The following CMSS1 variants were observed in gnomAD, a reference collection of about 807,000 sequenced individuals.
CMSS1 encodes the protein protein CMSS1.
A neutral mutation model predicts 43.5 loss-of-function variants in CMSS1; 33 were observed. That is an observed-to-expected ratio of 0.76 (90% CI 0.57 to 1.01). The LOEUF is 1.01. CMSS1 is among the 50% of genes least tolerant of loss of function. The pLI, the probability that CMSS1 is intolerant of heterozygous loss-of-function variation, is 0.00. For synonymous variants in CMSS1, 115 were observed against 117.2 expected, an observed-to-expected ratio of 0.98 and a Z score of 0.12; for missense variants, 313 against 326.4, an observed-to-expected ratio of 0.96 and a Z score of 0.32.
chr3:99,879,261 C>T (rs557821733), intron 1 of CMSS1, among the ~76,000 whole-genome samples: 49 of 152,232 alleles, frequency 3.2e-4, no homozygotes, highest in African/African-American at 1.2e-3. Context: ...AGGCAAGAAA[C>T]AAGGAGATAC....
chr3:100,165,295 G>C (rs2067056934), intron 4 of CMSS1, among the ~76,000 whole-genome samples: 1 of 151,988 alleles, frequency 6.6e-6, no homozygotes, highest in African/African-American at 2.4e-5. Context: ...ATTTCATTTT[G>C]ATCAGTCCAG....
intron 1 of CMSS1, among the ~76,000 whole-genome samples, chr3:99,821,561 G>C (rs1043112872): frequency 6.6e-6 from 1 of 152,208 alleles, no homozygotes; most frequent in African/African-American, 2.4e-5. Flanking sequence ...TTCAGCAACT[G>C]TTTGAAGTGA....
chr3:99,956,113 T>C (rs1309608740), intron 1 of CMSS1, among the ~76,000 whole-genome samples: 3 of 152,166 alleles, frequency 2.0e-5, no homozygotes. Flanking sequence ...ATTCATTCCT[T>C]ATTGCCTCTG....
intron 1 of CMSS1, among the ~76,000 whole-genome samples, chr3:100,105,320 G>C (rs886903586): frequency 6.6e-6 from 1 of 152,148 alleles, no homozygotes; most frequent in Non-Finnish European, 1.5e-5. Flanking sequence ...ACTCAGGAAA[G>C]ACATGAGCAA....
chr3:100,031,567 A>T (rs1231662157), intron 1 of CMSS1, among the ~76,000 whole-genome samples: 1 of 152,124 alleles, frequency 6.6e-6, no homozygotes, highest in Non-Finnish European at 1.5e-5. Context: ...TGAGCATAAA[A>T]ACCCAACACC....
chr3:99,888,076 T>TA (rs1485710740), intron 1 of CMSS1, among the ~76,000 whole-genome samples: 2 of 152,220 alleles, frequency 1.3e-5, no homozygotes, highest in African/African-American at 4.8e-5. Context: ...TCTTAGGTAC[T>TA]ATCTTCGGAC....
At chr3:99,885,736 T>C (rs772756577) in intron 1 of CMSS1, among the ~76,000 whole-genome samples, 8 of 152,290 alleles carry the variant, frequency 5.3e-5, no homozygotes, top group Non-Finnish European at 1.0e-4. Context: ...TCTTTCTCCC[T>C]TCTTCTTCCC....
chr3:99,821,093 T>C (rs1942430051), intron 1 of CMSS1, among the ~76,000 whole-genome samples: 2 of 152,192 alleles, frequency 1.3e-5, no homozygotes, highest in African/African-American at 4.8e-5. Context: ...TAAGGAACTG[T>C]ACTATTTTTT....
intron 1 of CMSS1, among the ~76,000 whole-genome samples, chr3:100,114,682 C>T (rs954120785): frequency 1.3e-5 from 2 of 152,190 alleles, no homozygotes; most frequent in Non-Finnish European, 2.9e-5. Flanking sequence ...CCATTCTTTG[C>T]TGTGTTGCTA....
At chr3:100,151,846 C>G (rs1315662835) in intron 2 of CMSS1, among the ~76,000 whole-genome samples, 2 of 152,120 alleles carry the variant, frequency 1.3e-5, no homozygotes, top group African/African-American at 4.8e-5. Context: ...GCTCAATATC[C>G]AAAATCTTGT....
intron 1 of CMSS1, among the ~76,000 whole-genome samples, chr3:100,105,844 G>T (rs1377684164): frequency 6.6e-6 from 1 of 152,148 alleles, no homozygotes; most frequent in Non-Finnish European, 1.5e-5. Flanking sequence ...GATGCAAGTA[G>T]TTTTTTGAAA....
intron 1 of CMSS1, among the ~76,000 whole-genome samples, chr3:100,057,639 A>G (rs1025146867): frequency 2.8e-4 from 42 of 152,150 alleles, no homozygotes; most frequent in Admixed American, 2.4e-3. Context: ...TTGAAATCCA[A>G]TGCTTTGGGA....
intron 1 of CMSS1, among the ~76,000 whole-genome samples, chr3:99,970,365 G>C (rs752087485): frequency 4.9e-4 from 74 of 152,330 alleles, no homozygotes; most frequent in Non-Finnish European, 7.2e-4. Context: ...AGGTGGATGA[G>C]ACCAAACTCC....
chr3:100,172,239 T>A (rs747257112), intron 7 of CMSS1, 77 bp from the exon 8 acceptor site: 10 of 1,292,610 alleles, frequency 7.7e-6, no homozygotes, highest in Non-Finnish European at 1.1e-5. Flanking sequence ...AACTTTGAGA[T>A]AAAATGTTCT....
Position 99,951,654 on chromosome 3 carries a change from C to T in CMSS1, c.64+133611C>T, listed in dbSNP as rs1279714603. ...CCTCCCCCACCACATATACACAGTCCCCACTATGTTGGGCTTGGCCACCTT... is the reference window on the plus strand; with the variant it reads ...CCTCCCCCACCACATATACACAGTCTCCACTATGTTGGGCTTGGCCACCTT... On this transcript the variant is annotated intron_variant, in intron 1 of 9. Coordinates refer to ENST00000421999, the MANE Select transcript of CMSS1 (RefSeq NM_032359.4). Among the ~76,000 whole-genome samples, 4 of 152,156 alleles carry T rather than the reference C, an allele frequency of 2.6e-5. No individual in the cohort carries two copies. The East Asian group carries it at 7.7e-4, about 29-fold the overall frequency.
chr3:100,069,617 C>G (rs971971502), intron 1 of CMSS1, among the ~76,000 whole-genome samples: 1 of 152,138 alleles, frequency 6.6e-6, no homozygotes, highest in Non-Finnish European at 1.5e-5. Context: ...ACAGTTTATA[C>G]TCTTAAGAAT....
In CMSS1 at chr3:100,167,852, C is replaced by G. The variant is rs549696671; in HGVS notation, c.518+12C>G. 1.3e-6 allele frequency: 2 copies of G among 1,552,018 alleles called. No individual in the cohort carries two copies. Among genetic ancestry groups the G allele is most frequent in the East Asian group, 4.5e-5 (2 of 44,494 alleles). ...CTGGAGCTCATTAGGTTGGAAGGTT[C>G]ACCTATTCCATATCATAAATGTTTT... On this transcript the variant is annotated intron_variant, in intron 6 of 9. Coordinates refer to ENST00000421999, the MANE Select transcript of CMSS1 (RefSeq NM_032359.4).
intron 1 of CMSS1, among the ~76,000 whole-genome samples, chr3:99,879,271 C>T (rs2107599629): frequency 6.6e-6 from 1 of 152,206 alleles, no homozygotes; most frequent in African/African-American, 2.4e-5. Flanking sequence ...CAAGGAGATA[C>T]CAACTAGATT....
chr3:100,083,810 A>G (rs1479540374), intron 1 of CMSS1, among the ~76,000 whole-genome samples: 1 of 152,138 alleles, frequency 6.6e-6, no homozygotes, highest in East Asian at 1.9e-4. Flanking sequence ...TCTGGGCTCA[A>G]GCAGTCCTCC....
Sources: gnomAD v4.1 joint callset for allele counts (sites outside exome capture counted in the v4.1 genomes callset) on GRCh38, gnomAD v4.1.1 for gene constraint, MANE v1.5 for transcripts, NCBI Gene and HGNC (gene_info 2026-07-23, HGNC 2026-07-21) for gene names.